Variants in LY75 observed in about 807,000 individuals in gnomAD.
The protein encoded by LY75 is lymphocyte antigen 75, also known as C-type lectin domain family 13 member B.
Under a neutral mutation model 231.7 loss-of-function variants are expected in LY75, and 185 were observed. The observed-to-expected ratio is 0.80, with a 90% CI of 0.71 to 0.90. LY75 has a LOEUF of 0.90. LY75 is among the 40% of genes least tolerant of loss of function. The probability of loss-of-function intolerance (pLI) is 0.00; values close to 1 mark genes in which losing one functional copy is unlikely to be tolerated. For missense variants in LY75, 1,947 were observed against 2,050.2 expected (o/e 0.95, Z 0.97); for synonymous variants, 668 against 689.0 (o/e 0.97, Z 0.48).
chr2:159,819,688 C>T, intron 29 of LY75, 38 bp downstream of exon 29: 1 of 1,559,854 alleles, frequency 6.4e-7, no homozygotes, highest in Non-Finnish European at 8.6e-7. Context: ...TATTCTTTCC[C>T]TGGAGTGAAA....
In LY75 at chr2:159,807,014, C is replaced by T. The variant is rs1682813925; in HGVS notation, c.4949G>A (p.Cys1650Tyr). The change falls in exon 34 of 35, where the codon TGT (cysteine) becomes TAT (tyrosine). Residue 1650 changes from cysteine (C) to tyrosine (Y), a missense_variant. Physicochemically the swap from Cys to Tyr is radical, Grantham distance 194. Coordinates refer to ENST00000263636, the MANE Select transcript of LY75 (RefSeq NM_002349.4). ...ASNETWKKVECEHGFGRVVCK... is the reference protein window; with the variant it reads ...ASNETWKKVEYEHGFGRVVCK... Reference sequence around the variant, plus strand: ...GACAACTCTTCCAAAACCATGTTCACATTCAACTTTTTTCCAAGTTTCATT... The same window carrying T: ...GACAACTCTTCCAAAACCATGTTCATATTCAACTTTTTTCCAAGTTTCATT... The T allele has an allele frequency of 6.2e-7, 1 of 1,613,912 alleles. No homozygotes were observed.
intron 18 of LY75, 53 bp downstream of exon 18, chr2:159,854,307 T>C (rs917168515): frequency 2.4e-6 from 3 of 1,230,556 alleles, no homozygotes; most frequent in African/African-American, 1.6e-5. Context: ...TATTTTTAAA[T>C]GGAATAAATA....
At chr2:159,835,444 A>G (rs1574542077) in intron 26 of LY75, 36 bp downstream of exon 26, 3 of 1,558,954 alleles carry the variant, frequency 1.9e-6, no homozygotes, top group South Asian at 1.2e-5. Context: ...GGGACTGTTA[A>G]TAATTTAAGA....
chr2:159,866,376 T>C (rs1007870658), intron 13 of LY75, among the ~76,000 whole-genome samples: 3 of 152,210 alleles, frequency 2.0e-5, no homozygotes, highest in African/African-American at 7.2e-5. Context: ...TTTTCATCTT[T>C]TCAACCTCAA....
chr2:159,883,228 A>C (rs1303022646), intron 6 of LY75, among the ~76,000 whole-genome samples: 1 of 151,750 alleles, frequency 6.6e-6, no homozygotes, highest in Admixed American at 6.6e-5. Flanking sequence ...ACACGTATAC[A>C]TATGTAACTA....
intron 21 of LY75, among the ~76,000 whole-genome samples, chr2:159,850,789 T>TATATAAAA (rs1553805701): frequency 2.3e-5 from 2 of 88,670 alleles, no homozygotes; most frequent in Non-Finnish European, 5.2e-5. Context: ...TATATATATA[T>TATATAAAA]ATATATATAT....
chr2:159,829,582 G>A (rs1406028120), intron 28 of LY75, among the ~76,000 whole-genome samples: 1 of 152,070 alleles, frequency 6.6e-6, no homozygotes, highest in East Asian at 1.9e-4. Flanking sequence ...TCTATTCATG[G>A]CCCTGCTATT....
chr2:159,887,937 A>C (rs1160860017), intron 4 of LY75, among the ~76,000 whole-genome samples: 2 of 152,188 alleles, frequency 1.3e-5, no homozygotes, highest in African/African-American at 4.8e-5. Flanking sequence ...TCAATATTCT[A>C]GGAAACTTGA....
intron 28 of LY75, among the ~76,000 whole-genome samples, chr2:159,820,436 T>C (rs1396502392): frequency 6.6e-6 from 1 of 152,188 alleles, no homozygotes; most frequent in Non-Finnish European, 1.5e-5. Flanking sequence ...AACTCAGGAA[T>C]GGAAAACCAA....
Position 159,804,170 on chromosome 2 carries a change from T to C in LY75, c.*874A>G, listed in dbSNP as rs1682730255. The C allele has an allele frequency of 6.6e-6, 1 of 152,152 alleles. No individual in the cohort carries two copies. The highest frequency in any genetic ancestry group is 1.5e-5 in the Non-Finnish European group (1 of 68,024). 9.4% of individuals were successfully genotyped at this position (152,152 alleles called of 1,614,324 possible). A position where few individuals can be genotyped will look rare whatever the true frequency, so the allele number is the denominator to read the frequency against. Reference sequence around the variant, plus strand: ...TACATAATAATGGTATGAAATAACTTTGGAATAATATAAGAAACATCTTGC... The same window carrying C: ...TACATAATAATGGTATGAAATAACTCTGGAATAATATAAGAAACATCTTGC... On this transcript the variant is annotated 3_prime_UTR_variant, in exon 35 of 35. Transcript: ENST00000263636.
chr2:159,807,230 T>G, intron 33 of LY75, 90 bp from the exon 34 acceptor site: 1 of 1,386,208 alleles, frequency 7.2e-7, no homozygotes. Flanking sequence ...AGAACTGTGC[T>G]GTCCAATATG....
chr2:159,824,589 G>C (rs1436797964), intron 28 of LY75, among the ~76,000 whole-genome samples: 2 of 152,172 alleles, frequency 1.3e-5, no homozygotes, highest in East Asian at 1.9e-4. Context: ...TTCAGGACTT[G>C]AACTCAGCTC....
Position 159,817,178 on chromosome 2 carries a change from T to C in LY75, c.4154-146A>G, listed in dbSNP as rs1465523600. The stretch of plus-strand genomic sequence containing the variant: ...GGTCAAATGTATATTTTATTTTTCT[T>C]ACTGGTATGACACATATCTTAGGCT... On this transcript the variant is annotated intron_variant, in intron 29 of 34. Transcript: ENST00000263636. The C allele has an allele frequency of 8.2e-6, 7 of 854,970 alleles. No homozygotes were observed. The East Asian group carries it at 2.0e-4, about 24-fold the overall frequency. The allele number at this position is 854,970 out of a possible 1,614,324, so 53.0% of individuals were successfully genotyped here. A position where few individuals can be genotyped will look rare whatever the true frequency, so the allele number is the denominator to read the frequency against.
chr2:159,807,529 C>G (rs563620131), intron 33 of LY75: 1 of 695,158 alleles, frequency 1.4e-6, no homozygotes, highest in African/African-American at 1.9e-5. Flanking sequence ...AAAGTCATAT[C>G]ATTAAAGATA....
In LY75 at chr2:159,819,758, T is replaced by C; in HGVS notation, c.4121A>G (p.Gln1374Arg). ...KVIEEAVYFHQHSILACKIEM... is the reference protein window; with the variant it reads ...KVIEEAVYFHRHSILACKIEM... The stretch of plus-strand genomic sequence containing the variant: ...AATTTTACAAGCAAGAATGCTGTGC[T>C]GGTGAAAATAAACTGCTTCTTCAAT... The change falls in exon 29 of 35, where the codon CAG becomes CGG. Residue 1374 changes from glutamine (Q) to arginine (R), a missense_variant. Coordinates refer to ENST00000263636, the MANE Select transcript of LY75 (RefSeq NM_002349.4). 1 of 1,613,526 alleles carries C rather than the reference T, an allele frequency of 6.2e-7. No homozygotes were observed. The highest frequency in any genetic ancestry group is 8.5e-7 in the Non-Finnish European group (1 of 1,179,832).
At chr2:159,841,501 A>T (rs2125847481) in intron 24 of LY75, among the ~76,000 whole-genome samples, 1 of 152,260 alleles carries the variant, frequency 6.6e-6, no homozygotes, top group South Asian at 2.1e-4. Flanking sequence ...ATATGACAAA[A>T]TTTTTTCTTG....
chr2:159,810,725 G>A (rs756678945), intron 31 of LY75, 50 bp from the exon 32 acceptor site: 2 of 1,594,046 alleles, frequency 1.3e-6, no homozygotes, highest in South Asian at 2.3e-5. Flanking sequence ...AAAAAAGACT[G>A]CCTTTCAAAA....
intron 11 of LY75, among the ~76,000 whole-genome samples, chr2:159,877,423 A>G (rs1685309461): frequency 6.6e-6 from 1 of 152,216 alleles, no homozygotes; most frequent in Admixed American, 6.5e-5. Flanking sequence ...TTCAATAACC[A>G]GATGATCTTT....
intron 6 of LY75, among the ~76,000 whole-genome samples, chr2:159,884,249 C>T (rs960907931): frequency 1.2e-4 from 19 of 152,134 alleles, no homozygotes; most frequent in African/African-American, 3.9e-4. Flanking sequence ...CTTTTTCTTC[C>T]CAGTCTTGGG....
Sources: allele counts gnomAD v4.1 joint callset (sites outside exome capture counted in the v4.1 genomes callset), GRCh38; gene constraint gnomAD v4.1.1; transcripts MANE v1.5; gene names NCBI Gene and HGNC (gene_info 2026-07-23, HGNC 2026-07-21).